Variants in ADGRL3 observed in about 807,000 individuals in gnomAD.
ADGRL3 encodes the protein calcium-independent alpha-latrotoxin receptor 3.
ADGRL3 carries 62 observed loss-of-function variants against 153.5 expected under a neutral mutation model. The observed-to-expected ratio is 0.40, with a 90% CI of 0.33 to 0.50. The LOEUF (loss-of-function observed/expected upper bound fraction) is 0.50. ADGRL3 is among the 20% of genes least tolerant of loss of function. ADGRL3 has a pLI of 0.47. For missense variants in ADGRL3, 1,641 were observed against 1,859.4 expected (o/e 0.88, Z 2.16); for synonymous variants, 710 against 672.5 (o/e 1.06, Z -0.86).
intron 1 of ADGRL3, among the ~76,000 whole-genome samples, chr4:61,328,797 G>T (rs1428843966): frequency 6.6e-6 from 1 of 151,948 alleles, no homozygotes; most frequent in East Asian, 1.9e-4. Context: ...GTCTCATTTG[G>T]TTTCGTTTGT....
At position 62,070,674 on chromosome 4, in the gene ADGRL3, G is replaced by C; in HGVS notation, c.4398G>C (p.Glu1466Asp). 1.3e-6 allele frequency: 2 copies of C among 1,551,502 alleles called. No homozygotes were observed. The highest frequency in any genetic ancestry group is 1.7e-6 in the Non-Finnish European group (2 of 1,146,948). Residue 1466 changes from glutamate (E) to aspartate (D), a missense_variant, in exon 27 of 27, where the codon GAG (glutamate) becomes GAC (aspartate). By Grantham distance (45) the Glu-to-Asp change is conservative. This residue lies in a region of ADGRL3 where 517 missense variants were observed against 555.0 expected (regional missense o/e 0.93). Transcript: ENST00000683033. The part of the protein sequence containing the change: ...MPTLAGVAAT[E>D]SVTTSTQTEP... Reference sequence around the variant, plus strand: ...CACTGGCTGGTGTGGCCGCCACAGAGAGTGTTACCACCAGCACCCAGACCG... The same window carrying C: ...CACTGGCTGGTGTGGCCGCCACAGACAGTGTTACCACCAGCACCCAGACCG...
At chr4:61,989,048 A>G (rs2099095273) in intron 19 of ADGRL3, among the ~76,000 whole-genome samples, 1 of 152,034 alleles carries the variant, frequency 6.6e-6, no homozygotes, top group Non-Finnish European at 1.5e-5. Context: ...CTCCTCTGTT[A>G]ATTAAAAGAC....
intron 11 of ADGRL3, among the ~76,000 whole-genome samples, chr4:61,896,584 G>A (rs924815154): frequency 1.3e-5 from 2 of 151,926 alleles, no homozygotes; most frequent in Non-Finnish European, 2.9e-5. Context: ...TTCTCTATTT[G>A]TTTTTAACCA....
At chr4:62,056,629 G>T (rs1332865423) in intron 25 of ADGRL3, among the ~76,000 whole-genome samples, 2 of 152,102 alleles carry the variant, frequency 1.3e-5, no homozygotes, top group Non-Finnish European at 2.9e-5. Context: ...GTTAAAAAAT[G>T]AAGTCTCCAC....
chr4:61,263,744 G>T (rs928069082), intron 1 of ADGRL3, among the ~76,000 whole-genome samples: 32 of 151,944 alleles, frequency 2.1e-4, no homozygotes, highest in Non-Finnish European at 4.1e-4. Flanking sequence ...GAATCAAAAA[G>T]AGTTTCCAGG....
At position 62,006,030 on chromosome 4, in the gene ADGRL3, A is replaced by T. The variant is rs1280749732; in HGVS notation, c.3395+7765A>T. On this transcript the variant is annotated intron_variant, in intron 21 of 26. Coordinates refer to ENST00000683033, the MANE Select transcript of ADGRL3 (RefSeq NM_001387552.1). ...TATATATATATATATATATATATAT[A>T]TATTTTTTTTTTTTTTTGAGAAAGG... Among the ~76,000 whole-genome samples the T allele has an allele frequency of 8.0e-3, 644 of 80,192 alleles. 10 individuals are homozygous for T. The highest frequency in any genetic ancestry group is 0.019 in the African/African-American group (420 of 21,592). 52.6% of individuals were successfully genotyped at this position (80,192 alleles called of 152,430 possible).
chr4:61,837,199 A>G (rs546652229), intron 9 of ADGRL3, among the ~76,000 whole-genome samples: 1 of 152,250 alleles, frequency 6.6e-6, no homozygotes, highest in African/African-American at 2.4e-5. Context: ...AAGTAGCAAA[A>G]TACTGTGCCA....
intron 9 of ADGRL3, among the ~76,000 whole-genome samples, chr4:61,884,507 GTCCTGAA>G (rs2098525963): frequency 6.6e-6 from 1 of 152,056 alleles, no homozygotes; most frequent in Non-Finnish European, 1.5e-5. Flanking sequence ...TCCTTAGGTG[GTCCTGAA>G]TCCTTACTTA....
intron 24 of ADGRL3, 126 bp downstream of exon 24, chr4:62,037,982 C>T: frequency 1.0e-6 from 1 of 983,304 alleles, no homozygotes; most frequent in Non-Finnish European, 1.5e-6. Flanking sequence ...CACTGTGTCT[C>T]ACATGGGAAT....
At chr4:61,529,138 C>G (rs1235593072) in intron 4 of ADGRL3, among the ~76,000 whole-genome samples, 1 of 152,064 alleles carries the variant, frequency 6.6e-6, no homozygotes, top group Non-Finnish European at 1.5e-5. Flanking sequence ...AAGTGACAGT[C>G]TTACTTGTTC....
At chr4:61,948,378 A>G (rs945973633) in intron 17 of ADGRL3, 102 bp downstream of exon 17, 1 of 790,066 alleles carries the variant, frequency 1.3e-6, no homozygotes, top group Non-Finnish European at 1.9e-6. Flanking sequence ...ATGTTTTCCT[A>G]CTTTCATAGT....
intron 1 of ADGRL3, among the ~76,000 whole-genome samples, chr4:61,374,032 G>A (rs189594197): frequency 1.3e-5 from 2 of 152,150 alleles, no homozygotes; most frequent in Non-Finnish European, 2.9e-5. Flanking sequence ...GTTAACTTTT[G>A]CTTCTCTGTA....
intron 1 of ADGRL3, among the ~76,000 whole-genome samples, chr4:61,330,802 C>CCCA (rs2095557296): frequency 6.6e-6 from 1 of 152,112 alleles, no homozygotes; most frequent in Admixed American, 6.5e-5. Context: ...CACCCATGGT[C>CCCA]TGCTGATTGG....
chr4:61,744,826 A>T (rs2096632927), intron 8 of ADGRL3, among the ~76,000 whole-genome samples: 1 of 152,246 alleles, frequency 6.6e-6, no homozygotes, highest in Non-Finnish European at 1.5e-5. Context: ...CTCCAAAGGA[A>T]TGCAGCTCCT....
intron 1 of ADGRL3, among the ~76,000 whole-genome samples, chr4:61,318,872 T>G (rs114295435): frequency 0.016 from 2,460 of 152,322 alleles, 57 homozygotes; most frequent in African/African-American, 0.051. Context: ...TAATGTAATT[T>G]TTTATATTGA....
At chr4:61,309,276 T>C (rs889357552) in intron 1 of ADGRL3, among the ~76,000 whole-genome samples, 1 of 152,172 alleles carries the variant, frequency 6.6e-6, no homozygotes, top group African/African-American at 2.4e-5. Context: ...GGACATCTGG[T>C]ACCCTAATTT....
intron 5 of ADGRL3, among the ~76,000 whole-genome samples, chr4:61,626,979 T>C (rs1213949999): frequency 2.6e-5 from 4 of 152,130 alleles, no homozygotes; most frequent in African/African-American, 9.7e-5. Flanking sequence ...AAAATAATTG[T>C]TGTTTTTGCC....
At chr4:61,270,494 A>G (rs2093106719) in intron 1 of ADGRL3, among the ~76,000 whole-genome samples, 1 of 151,776 alleles carries the variant, frequency 6.6e-6, no homozygotes, top group Admixed American at 6.6e-5. Flanking sequence ...GAAATTAGAC[A>G]TTTCCTGAAG....
At position 61,909,761 on chromosome 4, in the gene ADGRL3, A is replaced by ATGTGTGTGTGTG. The variant is rs58884223; in HGVS notation, c.2073+46_2073+57dup. 277 of 1,196,284 alleles carry ATGTGTGTGTGTG rather than the reference A, an allele frequency of 2.3e-4. 1 individual carries two copies. The highest frequency in any genetic ancestry group is 1.8e-3 in the East Asian group (62 of 34,832). The allele number at this position is 1,196,284 out of a possible 1,614,324, so 74.1% of individuals were successfully genotyped here. On this transcript the variant is annotated intron_variant, in intron 12 of 26. Transcript: ENST00000683033. The stretch of plus-strand genomic sequence containing the variant: ...TTTGAACAAGGTAAGGACCCTAATT[A>ATGTGTGTGTGTG]TGTGTGTGTGTGTGTGTGTGTGTGT...
Sources: allele counts gnomAD v4.1 joint callset (sites outside exome capture counted in the v4.1 genomes callset), GRCh38; gene constraint gnomAD v4.1.1; regional missense constraint gnomAD v4.1.1; transcripts MANE v1.5; gene names NCBI Gene and HGNC (gene_info 2026-07-23, HGNC 2026-07-21).